The following KCNQ3 variants were observed in gnomAD, a reference collection of about 807,000 sequenced individuals.
KCNQ3 encodes potassium voltage-gated channel subfamily KQT member 3.
A neutral mutation model predicts 92.5 loss-of-function variants in KCNQ3; 30 were observed. The ratio of observed to expected loss-of-function variants is 0.32; its 90% CI spans 0.24 to 0.44. The LOEUF (loss-of-function observed/expected upper bound fraction) is 0.44, where lower values mean the gene tolerates loss of function less well. Among genes scored for constraint, KCNQ3 ranks in the 20% least tolerant of loss-of-function variants. The pLI is 1.00. For missense variants in KCNQ3, 913 were observed against 1,140.3 expected (o/e 0.80, Z 2.87); for synonymous variants, 450 against 468.8 (o/e 0.96, Z 0.52).
At chr8:132,248,045 T>G (rs1815245638) in intron 1 of KCNQ3, among the ~76,000 whole-genome samples, 1 of 152,128 alleles carries the variant, frequency 6.6e-6, no homozygotes, top group African/African-American at 2.4e-5. Context: ...TGCCAGGAAG[T>G]GGCAGAGCTA....
intron 1 of KCNQ3, among the ~76,000 whole-genome samples, chr8:132,449,179 A>G (rs1821764450): frequency 1.3e-5 from 2 of 152,182 alleles, no homozygotes. Context: ...GCAGGAGCTT[A>G]GTAAATGGCC....
At chr8:132,267,753 A>G (rs1477040763) in intron 1 of KCNQ3, among the ~76,000 whole-genome samples, 2 of 152,214 alleles carry the variant, frequency 1.3e-5, no homozygotes, top group Non-Finnish European at 2.9e-5. Context: ...ATAGCCCAGG[A>G]ATCTGCATTT....
At chr8:132,302,880 G>A (rs62520369) in intron 1 of KCNQ3, among the ~76,000 whole-genome samples, 13,785 of 152,244 alleles carry the variant, frequency 0.091, 892 homozygotes, top group Non-Finnish European at 0.14. Flanking sequence ...GTCTGTCCAG[G>A]AGGCAGCTGG....
At chr8:132,291,780 G>A (rs149845978) in intron 1 of KCNQ3, among the ~76,000 whole-genome samples, 375 of 152,250 alleles carry the variant, frequency 2.5e-3, no homozygotes, top group Non-Finnish European at 4.2e-3. Flanking sequence ...CTATAACTGC[G>A]TATTAGGAAC....
rs149104914 is a variant in KCNQ3 at position 132,186,113 on chromosome 8, G to A, written c.455C>T (p.Ser152Leu). Reference protein sequence around the residue: ...LTTFKEYETVSGDWLLLLETF... With the variant: ...LTTFKEYETVLGDWLLLLETF... ...TACCAGTAACAGAAGCCAGTCTCCC[G>A]AGACAGTCTCATACTCCTTGAATGT... Residue 152 changes from serine (S) to leucine (L), a missense_variant, in exon 2 of 15, where the codon TCG becomes TTG. Ser to Leu is a moderately radical substitution (Grantham distance 145, BLOSUM62 -2). Coordinates refer to ENST00000388996, the MANE Select transcript of KCNQ3 (RefSeq NM_004519.4). 2.5e-6 allele frequency: 4 copies of A among 1,613,510 alleles called. No individual in the cohort carries two copies. The highest frequency in any genetic ancestry group is 2.2e-5 in the East Asian group (1 of 44,870).
intron 1 of KCNQ3, among the ~76,000 whole-genome samples, chr8:132,258,589 C>T (rs1815668894): frequency 6.6e-6 from 1 of 151,668 alleles, no homozygotes; most frequent in East Asian, 1.9e-4. Context: ...AAACTTCCAC[C>T]TTAAGAAACT....
In KCNQ3 at chr8:132,123,998, G is replaced by T. The variant is rs1373200711; in HGVS notation, c.*5264C>A. 1 of 152,074 alleles carries T rather than the reference G, an allele frequency of 6.6e-6. No individual in the cohort carries two copies. The highest frequency in any genetic ancestry group is 1.5e-5 in the Non-Finnish European group (1 of 68,016). 9.4% of individuals were successfully genotyped at this position (152,074 alleles called of 1,614,324 possible). On this transcript the variant is annotated 3_prime_UTR_variant, in exon 15 of 15. Coordinates refer to ENST00000388996, the MANE Select transcript of KCNQ3 (RefSeq NM_004519.4). ...ACCATGCACAGTTGACTTTCCTTGGGAAATCATGAGTCTTTTATTTTTGCA... is the reference window on the plus strand; with the variant it reads ...ACCATGCACAGTTGACTTTCCTTGGTAAATCATGAGTCTTTTATTTTTGCA...
chr8:132,229,355 C>T (rs1188912974), intron 1 of KCNQ3, among the ~76,000 whole-genome samples: 1 of 151,918 alleles, frequency 6.6e-6, no homozygotes, highest in Non-Finnish European at 1.5e-5. Flanking sequence ...ATGACTCAAC[C>T]AAGCCAGTGG....
intron 1 of KCNQ3, among the ~76,000 whole-genome samples, chr8:132,340,636 G>A (rs1040623404): frequency 6.6e-6 from 1 of 152,060 alleles, no homozygotes; most frequent in Admixed American, 6.5e-5. Flanking sequence ...TGGAGGCAAG[G>A]GGAGGATGCG....
At chr8:132,258,647 T>G (rs1200066730) in intron 1 of KCNQ3, among the ~76,000 whole-genome samples, 1 of 151,654 alleles carries the variant, frequency 6.6e-6, no homozygotes, top group Non-Finnish European at 1.5e-5. Context: ...AGAAGGAAAA[T>G]AATGACTACA....
intron 1 of KCNQ3, among the ~76,000 whole-genome samples, chr8:132,355,341 T>G (rs1818991102): frequency 6.6e-6 from 1 of 151,962 alleles, no homozygotes; most frequent in Non-Finnish European, 1.5e-5. Flanking sequence ...TCCAGCACCA[T>G]CACAGCCACC....
intron 1 of KCNQ3, among the ~76,000 whole-genome samples, chr8:132,401,928 T>C (rs1027236348): frequency 6.6e-6 from 1 of 151,648 alleles, no homozygotes; most frequent in Non-Finnish European, 1.5e-5. Flanking sequence ...TCTGGAACTA[T>C]TGGGACACTG....
rs766876967 is a variant in KCNQ3, at chr8:132,455,326, C to T, written c.386+24821G>A. ...TTCACCATGTTGGCCAGGCTAGTCTCAAACTCCTGACCTCACATGACTCTC... is the reference window on the plus strand; with the variant it reads ...TTCACCATGTTGGCCAGGCTAGTCTTAAACTCCTGACCTCACATGACTCTC... On this transcript the variant is annotated intron_variant, in intron 1 of 14. Coordinates refer to ENST00000388996, the MANE Select transcript of KCNQ3 (RefSeq NM_004519.4). Among the ~76,000 whole-genome samples, 23 of 152,318 alleles carry T rather than the reference C, an allele frequency of 1.5e-4. No homozygotes were observed. In the East Asian group the frequency reaches 1.7e-3, roughly 12 times the overall value.
chr8:132,351,765 T>A (rs565581083), intron 1 of KCNQ3, among the ~76,000 whole-genome samples: 59 of 152,164 alleles, frequency 3.9e-4, no homozygotes, highest in Non-Finnish European at 6.6e-4. Context: ...AGAAGCAGCC[T>A]CCTTGACTCA....
Position 132,480,694 on chromosome 8 carries a change from G to T in KCNQ3, c.-162C>A. 28 of 767,052 alleles carry T rather than the reference G, an allele frequency of 3.7e-5. No individual in the cohort carries two copies. Among genetic ancestry groups the T allele is most frequent in the Non-Finnish European group, 4.4e-5 (28 of 632,180 alleles). 47.5% of individuals were successfully genotyped at this position (767,052 alleles called of 1,614,324 possible). Reference sequence around the variant, plus strand: ...CACCCCCCCCCAAAAGCAGGCAAAGGCGGGCCCCCTGGGGGGCAGGGGAGG... The same window carrying T: ...CACCCCCCCCCAAAAGCAGGCAAAGTCGGGCCCCCTGGGGGGCAGGGGAGG... On this transcript the variant is annotated 5_prime_UTR_variant, in exon 1 of 15. Transcript: ENST00000388996.
intron 2 of KCNQ3, among the ~76,000 whole-genome samples, chr8:132,185,128 G>T (rs529110164): frequency 8.5e-5 from 13 of 152,316 alleles, no homozygotes; most frequent in Middle Eastern, 3.4e-3. Flanking sequence ...GGAGTTGGAT[G>T]GTTTCCAGGG....
chr8:132,401,139 A>G (rs2597351), intron 1 of KCNQ3, among the ~76,000 whole-genome samples: 114,009 of 152,046 alleles, frequency 0.75, 43,534 homozygotes, highest in South Asian at 0.91. Context: ...CTCAGAAACT[A>G]CTAGAAACCA....
chr8:132,480,660 G>A lies in KCNQ3; in HGVS notation c.-128C>T. The A allele has an allele frequency of 7.2e-6, 7 of 966,178 alleles. No individual in the cohort carries two copies. Among genetic ancestry groups the A allele is most frequent in the South Asian group, 6.0e-5 (2 of 33,186 alleles). The allele number at this position is 966,178 out of a possible 1,614,324, so 59.9% of individuals were successfully genotyped here. ...GGAACTCCAATGCCATGATCCGCGCGCCCCTCCCCACCCCCCCCCAAAAGC... is the reference window on the plus strand; with the variant it reads ...GGAACTCCAATGCCATGATCCGCGCACCCCTCCCCACCCCCCCCCAAAAGC... On this transcript the variant is annotated 5_prime_UTR_variant, in exon 1 of 15. Transcript: ENST00000388996.
At chr8:132,163,671 C>G (rs920296139) in intron 8 of KCNQ3, among the ~76,000 whole-genome samples, 177 bp from the exon 9 acceptor site, 1 of 152,198 alleles carries the variant, frequency 6.6e-6, no homozygotes, top group Admixed American at 6.5e-5. Flanking sequence ...CATCCAGACC[C>G]CAGCCCATGC....
Sources: allele counts gnomAD v4.1 joint callset (sites outside exome capture counted in the v4.1 genomes callset), GRCh38; gene constraint gnomAD v4.1.1; transcripts MANE v1.5; gene names NCBI Gene and HGNC (gene_info 2026-07-23, HGNC 2026-07-21).